ARID3B: variants seen among roughly 807,000 people sequenced by gnomAD.
ARID3B encodes AT-rich interactive domain-containing protein 3B.
ARID3B carries 10 observed loss-of-function variants against 51.9 expected under a neutral mutation model. The observed-to-expected ratio is 0.19, with a 90% CI of 0.12 to 0.33. The LOEUF (loss-of-function observed/expected upper bound fraction) is 0.33. ARID3B is among the 10% of genes least tolerant of loss of function. The pLI is 1.00. For missense variants in ARID3B, 483 were observed against 716.3 expected (o/e 0.67, Z 3.72); for synonymous variants, 205 against 279.5 (o/e 0.73, Z 2.66).
Position 74,555,786 on chromosome 15 carries a change from C to CTTT in ARID3B, c.552+11319_552+11321dup, listed in dbSNP as rs869243539. 7.8e-3 allele frequency among the ~76,000 whole-genome samples: 741 copies of CTTT among 95,042 alleles called. 11 individuals are homozygous for CTTT. Among genetic ancestry groups the CTTT allele is most frequent in the East Asian group, 0.026 (71 of 2,722 alleles). The allele number at this position is 95,042 out of a possible 152,430, so 62.4% of individuals were successfully genotyped here. A position where few individuals can be genotyped will look rare whatever the true frequency, so the allele number is the denominator to read the frequency against. On this transcript the variant is annotated intron_variant, in intron 2 of 8. Coordinates refer to ENST00000346246, the MANE Select transcript of ARID3B (RefSeq NM_006465.4). ...AGCTGTAGCCTTACGAGCTGTATTT[C>CTTT]TTTTTTTTTTTTTTTTTTTTTTTGA...
intron 1 of ARID3B, among the ~76,000 whole-genome samples, chr15:74,542,103 A>G (rs1050254236): frequency 2.0e-5 from 3 of 152,238 alleles, no homozygotes; most frequent in Admixed American, 2.0e-4. Flanking sequence ...CAAGACAAGA[A>G]GCAGTTGTTC....
Position 74,596,318 on chromosome 15 carries a change from G to C in ARID3B, c.*544G>C, listed in dbSNP as rs1393256863. On this transcript the variant is annotated 3_prime_UTR_variant, in exon 9 of 9. Coordinates refer to ENST00000346246, the MANE Select transcript of ARID3B (RefSeq NM_006465.4). ...GCCTACTGTTAGGTTCCTGGGGTAC[G>C]GGTCCCTCAAACACAAGTCTTGAAT... 4.3e-6 allele frequency: 1 copy of C among 233,644 alleles called. No homozygotes were observed. Among genetic ancestry groups the C allele is most frequent in the Non-Finnish European group, 8.5e-6 (1 of 118,162 alleles). The allele number at this position is 233,644 out of a possible 1,614,324, so 14.5% of individuals were successfully genotyped here.
chr15:74,547,519 A>T (rs2061620519), intron 2 of ARID3B, among the ~76,000 whole-genome samples: 1 of 152,166 alleles, frequency 6.6e-6, no homozygotes, highest in Non-Finnish European at 1.5e-5. Flanking sequence ...TACAGTGTCC[A>T]TCTTGTTCTT....
chr15:74,579,860 T>TGTGTGTGTGC (rs1567124192), intron 4 of ARID3B, among the ~76,000 whole-genome samples: 1 of 145,672 alleles, frequency 6.9e-6, no homozygotes, highest in Non-Finnish European at 1.5e-5. Flanking sequence ...TGTGTGTGTG[T>TGTGTGTGTGC]GTGTGTGTGT....
At chr15:74,569,558 G>A (rs1380612817) in intron 2 of ARID3B, among the ~76,000 whole-genome samples, 2 of 152,314 alleles carry the variant, frequency 1.3e-5, no homozygotes, top group Middle Eastern at 3.4e-3. Context: ...CTGCACTCCA[G>A]CCTACAAGAA....
chr15:74,564,316 G>A (rs2061690296), intron 2 of ARID3B, among the ~76,000 whole-genome samples: 1 of 152,118 alleles, frequency 6.6e-6, no homozygotes, highest in African/African-American at 2.4e-5. Flanking sequence ...GTTAAAACTG[G>A]TATGAGGGCA....
intron 2 of ARID3B, among the ~76,000 whole-genome samples, chr15:74,564,121 G>T (rs922139501): frequency 5.9e-5 from 9 of 152,234 alleles, no homozygotes; most frequent in Admixed American, 5.9e-4. Flanking sequence ...TAACTCTAGT[G>T]TTTCCAAGGC....
chr15:74,544,504 A>AT lies in ARID3B; in HGVS notation c.552+18dup. The AT allele has an allele frequency of 6.2e-7, 1 of 1,603,748 alleles. No individual in the cohort carries two copies. Among genetic ancestry groups the AT allele is most frequent in the Non-Finnish European group, 8.5e-7 (1 of 1,174,342 alleles). On this transcript the variant is annotated intron_variant, in intron 2 of 8. Coordinates refer to ENST00000346246, the MANE Select transcript of ARID3B (RefSeq NM_006465.4). ...GCTCAAGCAGGTCAGTCTTTCTGGT[A>AT]TTGTAGGTCATTTGGTCTTCCTGAA...
At chr15:74,585,039 C>T (rs2061775191) in intron 4 of ARID3B, among the ~76,000 whole-genome samples, 1 of 152,208 alleles carries the variant, frequency 6.6e-6, no homozygotes, top group African/African-American at 2.4e-5. Context: ...GCCCTGGATT[C>T]CTGTCAGAGA....
chr15:74,543,432 C>T (rs2141370738), intron 1 of ARID3B, among the ~76,000 whole-genome samples: 1 of 152,302 alleles, frequency 6.6e-6, no homozygotes, highest in African/African-American at 2.4e-5. Flanking sequence ...GCAGGTCCTT[C>T]TTTTCCTTTA....
chr15:74,550,911 G>A (rs2061634859), intron 2 of ARID3B, among the ~76,000 whole-genome samples: 1 of 152,136 alleles, frequency 6.6e-6, no homozygotes, highest in Admixed American at 6.5e-5. Flanking sequence ...AGCTTTGCAG[G>A]GTTAGGGCGA....
Position 74,595,912 on chromosome 15 carries a change from C to T in ARID3B, c.*138C>T. The T allele has an allele frequency of 2.2e-6, 2 of 927,082 alleles. No homozygotes were observed. Among genetic ancestry groups the T allele is most frequent in the Non-Finnish European group, 3.2e-6 (2 of 634,552 alleles). 57.4% of individuals were successfully genotyped at this position (927,082 alleles called of 1,614,324 possible). ...ACATTGAGAGTTTGGACGTGTCCGT[C>T]TGTCCAGGCTCCATTCAGGTCCTGC... is the stretch of plus-strand genomic sequence containing the variant. On this transcript the variant is annotated 3_prime_UTR_variant, in exon 9 of 9. Coordinates refer to ENST00000346246, the MANE Select transcript of ARID3B (RefSeq NM_006465.4).
chr15:74,587,854 A>G (rs1460159399), intron 4 of ARID3B, among the ~76,000 whole-genome samples: 2 of 152,008 alleles, frequency 1.3e-5, no homozygotes, highest in South Asian at 2.1e-4. Context: ...GAATTTGTGG[A>G]TCTAATTCCA....
At chr15:74,560,506 T>G (rs922517064) in intron 2 of ARID3B, among the ~76,000 whole-genome samples, 2 of 152,234 alleles carry the variant, frequency 1.3e-5, no homozygotes. Flanking sequence ...CCTCCATGAG[T>G]GTTCATGAAG....
chr15:74,596,797 T>G lies in ARID3B; in HGVS notation c.*1023T>G, dbSNP rs968328837. The stretch of plus-strand genomic sequence containing the variant: ...TTATATGTGTTTTGCTGACTTTTGT[T>G]TTTTTTTTATTTTAAAATTTTTATC... On this transcript the variant is annotated 3_prime_UTR_variant, in exon 9 of 9. Transcript: ENST00000346246. The G allele has an allele frequency of 8.2e-5, 13 of 158,196 alleles. No individual in the cohort carries two copies. The highest frequency in any genetic ancestry group is 8.2e-4 in the African/African-American group (10 of 12,268). 9.8% of individuals were successfully genotyped at this position (158,196 alleles called of 1,614,324 possible). A position where few individuals can be genotyped will look rare whatever the true frequency, so the allele number is the denominator to read the frequency against.
At chr15:74,569,099 T>C (rs1486935079) in intron 2 of ARID3B, among the ~76,000 whole-genome samples, 2 of 152,186 alleles carry the variant, frequency 1.3e-5, no homozygotes, top group Non-Finnish European at 2.9e-5. Flanking sequence ...CTGATAATTT[T>C]CTAGTAGTCA....
At chr15:74,555,593 A>G (rs757336139) in intron 2 of ARID3B, among the ~76,000 whole-genome samples, 5 of 151,964 alleles carry the variant, frequency 3.3e-5, no homozygotes, top group Non-Finnish European at 5.9e-5. Context: ...CAGCTTCCCA[A>G]AGTGCTGGGA....
In ARID3B at chr15:74,589,786, C is replaced by T. The variant is rs757938109; in HGVS notation, c.698-34C>T. 1.1e-5 allele frequency: 18 copies of T among 1,574,606 alleles called. 1 individual carries two copies. The highest frequency in any genetic ancestry group is 2.1e-4 in the Middle Eastern group (1 of 4,734). Reference sequence around the variant, plus strand: ...TCTTTCTTCTCAGCCTGATGATGATCCCGCTGTCTCTTTCTCTCGTTGGAC... The same window carrying T: ...TCTTTCTTCTCAGCCTGATGATGATTCCGCTGTCTCTTTCTCTCGTTGGAC... On this transcript the variant is annotated intron_variant, in intron 4 of 8. Transcript: ENST00000346246.
chr15:74,564,031 G>A (rs970084589), intron 2 of ARID3B, among the ~76,000 whole-genome samples: 4 of 152,136 alleles, frequency 2.6e-5, no homozygotes, highest in Admixed American at 6.5e-5. Context: ...ATTGATCTCC[G>A]CTGCTAGCAA....
Sources: allele counts gnomAD v4.1 joint callset (sites outside exome capture counted in the v4.1 genomes callset), GRCh38; gene constraint gnomAD v4.1.1; transcripts MANE v1.5; gene names NCBI Gene and HGNC (gene_info 2026-07-23, HGNC 2026-07-21).